The following KCNMB2 variants were observed in gnomAD, a reference collection of about 807,000 sequenced individuals.
The protein encoded by KCNMB2 is calcium-activated potassium channel subunit beta-2.
KCNMB2 carries 9 observed loss-of-function variants against 24.5 expected under a neutral mutation model. The observed-to-expected ratio is 0.37, with a 90% CI of 0.22 to 0.64. The LOEUF is 0.64. Ranked by LOEUF, KCNMB2 falls within the 30% of genes least tolerant of loss-of-function variation. KCNMB2 has a pLI of 0.63. For synonymous variants in KCNMB2, 109 were observed against 104.4 expected (o/e 1.04, Z -0.27); for missense variants, 226 against 284.3 (o/e 0.79, Z 1.47).
chr3:178,727,775 T>C (rs149048457), intron 1 of KCNMB2, among the ~76,000 whole-genome samples: 1 of 152,210 alleles, frequency 6.6e-6, no homozygotes, highest in Non-Finnish European at 1.5e-5. Flanking sequence ...ATGAGACTTG[T>C]GTCAGAATTC....
intron 1 of KCNMB2, among the ~76,000 whole-genome samples, chr3:178,726,594 G>T (rs1722974452): frequency 6.6e-6 from 1 of 151,304 alleles, no homozygotes. Context: ...TATTTCTTTA[G>T]ATATTTTTTA....
chr3:178,703,498 T>A (rs1220505613), intron 1 of KCNMB2, among the ~76,000 whole-genome samples: 1 of 140,994 alleles, frequency 7.1e-6, no homozygotes, highest in Non-Finnish European at 1.5e-5. Flanking sequence ...GTAAGTCCCA[T>A]TCAGGCACCC....
chr3:178,572,623 C>T (rs1716846780), intron 1 of KCNMB2, among the ~76,000 whole-genome samples: 1 of 152,052 alleles, frequency 6.6e-6, no homozygotes, highest in Non-Finnish European at 1.5e-5. Flanking sequence ...TTTACTTCTC[C>T]CCACTTTACT....
At chr3:178,692,876 C>G (rs939311516) in intron 1 of KCNMB2, among the ~76,000 whole-genome samples, 2 of 152,082 alleles carry the variant, frequency 1.3e-5, no homozygotes, top group African/African-American at 2.4e-5. Flanking sequence ...TATTCATATC[C>G]ACGAGCATGG....
chr3:178,771,155 T>A (rs1183451731), intron 1 of KCNMB2, among the ~76,000 whole-genome samples: 1 of 152,106 alleles, frequency 6.6e-6, no homozygotes, highest in Non-Finnish European at 1.5e-5. Flanking sequence ...TACAATCAAA[T>A]CCTGTCAGTC....
intron 1 of KCNMB2, among the ~76,000 whole-genome samples, chr3:178,712,669 C>T (rs909732080): frequency 6.6e-6 from 1 of 152,128 alleles, no homozygotes; most frequent in Non-Finnish European, 1.5e-5. Context: ...AGATGGGGAA[C>T]CTAAGCACAG....
chr3:178,704,411 T>C (rs1263397579), intron 1 of KCNMB2, among the ~76,000 whole-genome samples: 1 of 152,148 alleles, frequency 6.6e-6, no homozygotes, highest in Non-Finnish European at 1.5e-5. Flanking sequence ...CTAGATATGG[T>C]AGTCATTAGC....
chr3:178,827,440 A>G lies in KCNMB2; in HGVS notation c.228-738A>G, dbSNP rs186888137. Among the ~76,000 whole-genome samples the G allele has an allele frequency of 4.6e-3, 701 of 152,278 alleles. 5 individuals carry two copies. The highest frequency in any genetic ancestry group is 7.1e-3 in the Non-Finnish European group (485 of 68,016). ...TCACAATTTCCAACACTTACTGCCC[A>G]TATGTCCTTGCATATGTCATGGGAT... On this transcript the variant is annotated intron_variant, in intron 3 of 4. Transcript: ENST00000452583.
At chr3:178,758,701 C>T (rs1711502800) in intron 1 of KCNMB2, among the ~76,000 whole-genome samples, 1 of 11,016 alleles carries the variant, frequency 9.1e-5, no homozygotes, top group Non-Finnish European at 1.6e-4. Context: ...TCTCTCTCTA[C>T]AAGAGGAGAT....
At chr3:178,825,396 G>T (rs964591342) in intron 2 of KCNMB2, among the ~76,000 whole-genome samples, 192 bp from the exon 3 acceptor site, 1 of 152,118 alleles carries the variant, frequency 6.6e-6, no homozygotes, top group South Asian at 2.1e-4. Context: ...ACATACAAGC[G>T]TGCATGTGCT....
At chr3:178,626,708 C>T (rs1444372621) in intron 1 of KCNMB2, among the ~76,000 whole-genome samples, 4 of 152,052 alleles carry the variant, frequency 2.6e-5, no homozygotes, top group African/African-American at 4.8e-5. Flanking sequence ...AATCACTCCT[C>T]ACCACGTCTC....
At chr3:178,718,852 C>G (rs1722705037) in intron 1 of KCNMB2, among the ~76,000 whole-genome samples, 1 of 152,140 alleles carries the variant, frequency 6.6e-6, no homozygotes, top group Admixed American at 6.5e-5. Context: ...ATCAGAGACA[C>G]AAATCTCTGT....
At chr3:178,646,280 T>C (rs946183379) in intron 1 of KCNMB2, among the ~76,000 whole-genome samples, 1 of 152,170 alleles carries the variant, frequency 6.6e-6, no homozygotes, top group African/African-American at 2.4e-5. Flanking sequence ...AGTGGACTCT[T>C]AAGGACTCTG....
intron 1 of KCNMB2, among the ~76,000 whole-genome samples, chr3:178,754,631 T>G (rs562596769): frequency 6.6e-6 from 1 of 152,152 alleles, no homozygotes; most frequent in African/African-American, 2.4e-5. Flanking sequence ...TGAGATTTGA[T>G]GTTATGTCAT....
chr3:178,798,164 A>T (rs1293340517), intron 1 of KCNMB2, among the ~76,000 whole-genome samples: 2 of 152,126 alleles, frequency 1.3e-5, no homozygotes, highest in African/African-American at 4.8e-5. Context: ...CAGAACTTCC[A>T]TACTATGTTG....
At chr3:178,574,877 G>C (rs898124824) in intron 1 of KCNMB2, among the ~76,000 whole-genome samples, 5 of 152,254 alleles carry the variant, frequency 3.3e-5, no homozygotes, top group Non-Finnish European at 4.4e-5. Context: ...AGACCAGCCT[G>C]GCCAACATGC....
intron 1 of KCNMB2, among the ~76,000 whole-genome samples, chr3:178,562,906 C>A (rs970133755): frequency 2.6e-5 from 4 of 152,128 alleles, no homozygotes; most frequent in African/African-American, 9.7e-5. Flanking sequence ...GTGTGCCCAG[C>A]AGAAAGATAG....
At chr3:178,599,072 A>T (rs1260172619) in intron 1 of KCNMB2, among the ~76,000 whole-genome samples, 4 of 152,156 alleles carry the variant, frequency 2.6e-5, no homozygotes, top group Non-Finnish European at 5.9e-5. Flanking sequence ...TTACAAAGAC[A>T]AGTCCAGCAG....
chr3:178,690,501 G>C (rs1201626228), intron 1 of KCNMB2, among the ~76,000 whole-genome samples: 2 of 151,734 alleles, frequency 1.3e-5, no homozygotes, highest in African/African-American at 4.8e-5. Context: ...AAGAGGAGAG[G>C]GATAAGAGGA....
Sources: allele counts gnomAD v4.1 joint callset (sites outside exome capture counted in the v4.1 genomes callset), GRCh38; gene constraint gnomAD v4.1.1; transcripts MANE v1.5; gene names NCBI Gene and HGNC (gene_info 2026-07-23, HGNC 2026-07-21).